Variants in ARAP2 observed in about 807,000 individuals in gnomAD.
ARAP2 encodes the protein ArfGAP with RhoGAP domain, ankyrin repeat and PH domain 2.
In ARAP2, 148 loss-of-function variants were observed where a neutral mutation model predicts 194.5. The observed-to-expected ratio is 0.76, with a 90% CI of 0.67 to 0.87. The LOEUF is 0.87. Ranked by LOEUF, ARAP2 falls within the 40% of genes least tolerant of loss-of-function variation. The pLI, the probability that ARAP2 is intolerant of heterozygous loss-of-function variation, is 0.00. For synonymous variants in ARAP2, 695 were observed against 683.5 expected (o/e 1.02, Z -0.26); for missense variants, 2,128 against 1,989.7 (o/e 1.07, Z -1.32).
chr4:36,012,289 G>A (rs1032530811), intron 9 of ARAP2, among the ~76,000 whole-genome samples: 8 of 152,096 alleles, frequency 5.3e-5, no homozygotes, highest in Non-Finnish European at 1.0e-4. Flanking sequence ...TGGACCTTAG[G>A]TCAATAAATT....
intron 5 of ARAP2, among the ~76,000 whole-genome samples, chr4:36,029,865 T>C (rs748718410): frequency 6.6e-6 from 1 of 152,098 alleles, no homozygotes; most frequent in South Asian, 2.1e-4. Flanking sequence ...CTATCATTTA[T>C]GTAACCATTG....
intron 26 of ARAP2, among the ~76,000 whole-genome samples, chr4:36,112,329 C>A (rs1365177526): frequency 6.6e-6 from 1 of 151,820 alleles, no homozygotes; most frequent in Non-Finnish European, 1.5e-5. Context: ...ATACAGTATA[C>A]AGTATTATAG....
At chr4:36,041,621 C>A (rs1248717871) in intron 5 of ARAP2, among the ~76,000 whole-genome samples, 1 of 152,086 alleles carries the variant, frequency 6.6e-6, no homozygotes, top group African/African-American at 2.4e-5. Flanking sequence ...AGTAGTATGG[C>A]AATTCTACAA....
At chr4:36,236,036 G>A (rs1435663989) in intron 1 of ARAP2, among the ~76,000 whole-genome samples, 2 of 152,044 alleles carry the variant, frequency 1.3e-5, no homozygotes, top group East Asian at 1.9e-4. Flanking sequence ...AACATCAGCC[G>A]GGTGTGGTGG....
chr4:36,183,285 AT>A (rs1337611971), intron 8 of ARAP2, among the ~76,000 whole-genome samples: 10 of 45,778 alleles, frequency 2.2e-4, no homozygotes, highest in African/African-American at 4.8e-4. Flanking sequence ...TCTTTTTAAA[AT>A]TTTTTTTAAT....
chr4:36,241,496 T>C (rs563740917), intron 1 of ARAP2, among the ~76,000 whole-genome samples: 35 of 152,252 alleles, frequency 2.3e-4, no homozygotes, highest in African/African-American at 7.9e-4. Flanking sequence ...GCCTCTACTG[T>C]CTCATTTGAC....
intron 24 of ARAP2, 55 bp downstream of exon 24, chr4:36,119,595 C>A: frequency 7.8e-7 from 1 of 1,274,094 alleles, no homozygotes. Context: ...TCTTTACTTA[C>A]AATGGAAGTT....
intron 24 of ARAP2, among the ~76,000 whole-genome samples, chr4:36,118,018 T>A (rs904744942): frequency 6.6e-6 from 1 of 151,438 alleles, no homozygotes; most frequent in Non-Finnish European, 1.5e-5. Context: ...CAAGAAATCA[T>A]TCTCAAATTA....
chr4:36,080,588 C>G (rs1729303096), intron 30 of ARAP2, among the ~76,000 whole-genome samples: 1 of 152,126 alleles, frequency 6.6e-6, no homozygotes, highest in Non-Finnish European at 1.5e-5. Flanking sequence ...TTTTCAAGTA[C>G]CTGATGGTAA....
intron 29 of ARAP2, among the ~76,000 whole-genome samples, chr4:36,082,525 T>C (rs1229915521): frequency 6.6e-6 from 1 of 152,094 alleles, no homozygotes; most frequent in Admixed American, 6.6e-5. Context: ...AGGAGATGTC[T>C]CTGAGAAGAT....
intron 5 of ARAP2, among the ~76,000 whole-genome samples, chr4:36,211,171 T>C (rs1406270396): frequency 1.3e-5 from 2 of 152,004 alleles, no homozygotes; most frequent in African/African-American, 2.4e-5. Flanking sequence ...CTCTCTACTA[T>C]CCTCTAATCA....
At chr4:36,084,383 A>G (rs1278849524) in intron 28 of ARAP2, among the ~76,000 whole-genome samples, 1 of 152,086 alleles carries the variant, frequency 6.6e-6, no homozygotes, top group African/African-American at 2.4e-5. Context: ...ATTCAAAGAT[A>G]TTCATATTTT....
At chr4:36,206,832 A>C (rs894754743) in intron 6 of ARAP2, among the ~76,000 whole-genome samples, 2 of 151,436 alleles carry the variant, frequency 1.3e-5, no homozygotes, top group African/African-American at 4.8e-5. Context: ...TCACACTGCC[A>C]CATCAGTCCT....
intron 9 of ARAP2, among the ~76,000 whole-genome samples, chr4:36,009,517 G>T (rs1032003529): frequency 1.3e-5 from 2 of 152,032 alleles, no homozygotes; most frequent in African/African-American, 4.8e-5. Flanking sequence ...CAATACAAGA[G>T]GGGGGATAAA....
chr4:36,209,393 G>T (rs1035044570), intron 6 of ARAP2: 6 of 452,574 alleles, frequency 1.3e-5, no homozygotes, highest in African/African-American at 8.0e-5. Context: ...AATCTGCTTT[G>T]GTTTATTCAA....
At chr4:36,059,289 TG>T (rs968338645) in intron 1 of ARAP2, among the ~76,000 whole-genome samples, 1 of 152,164 alleles carries the variant, frequency 6.6e-6, no homozygotes, top group Admixed American at 6.5e-5. Context: ...CTCTGTCTTT[TG>T]CTTCCTTCCA....
intron 7 of ARAP2, among the ~76,000 whole-genome samples, chr4:36,192,690 T>C (rs1302210036): frequency 6.6e-6 from 1 of 152,158 alleles, no homozygotes; most frequent in Non-Finnish European, 1.5e-5. Flanking sequence ...AAAAAAATAG[T>C]AGCTAAAACA....
intron 6 of ARAP2, among the ~76,000 whole-genome samples, chr4:36,199,861 T>G (rs1743986154): frequency 6.6e-6 from 1 of 152,192 alleles, no homozygotes; most frequent in Non-Finnish European, 1.5e-5. Context: ...AAAAACAAAC[T>G]CTGTTAGGTG....
At chr4:36,109,803 G>A (rs1467915822) in intron 26 of ARAP2, among the ~76,000 whole-genome samples, 1 of 151,544 alleles carries the variant, frequency 6.6e-6, no homozygotes, top group Non-Finnish European at 1.5e-5. Context: ...ATGTTGGTGT[G>A]CTGCACCCAT....
Sources: gnomAD v4.1 joint callset for allele counts (sites outside exome capture counted in the v4.1 genomes callset) on GRCh38, gnomAD v4.1.1 for gene constraint, MANE v1.5 for transcripts, NCBI Gene and HGNC (gene_info 2026-07-23, HGNC 2026-07-21) for gene names.